Variants in SIMC1 observed in about 807,000 individuals in gnomAD.
SIMC1 encodes the protein SUMO-interacting motif-containing protein 1.
A neutral mutation model predicts 82.3 loss-of-function variants in SIMC1; 55 were observed. The observed-to-expected ratio is 0.67, with a 90% confidence interval of 0.54 to 0.84. SIMC1 has a LOEUF of 0.84. SIMC1 is among the 40% of genes least tolerant of loss of function. SIMC1 has a pLI of 0.00. For missense variants in SIMC1, 915 were observed against 1,107.2 expected (o/e 0.83, Z 2.46); for synonymous variants, 353 against 426.3 (o/e 0.83, Z 2.12).
intron 1 of SIMC1, among the ~76,000 whole-genome samples, chr5:176,279,524 T>C (rs1370790028): frequency 6.6e-6 from 1 of 151,314 alleles, no homozygotes; most frequent in Admixed American, 6.6e-5. Context: ...AGCTTTTGAA[T>C]GTGTTTGCTC....
chr5:176,294,458 T>C (rs1418564085), intron 2 of SIMC1, among the ~76,000 whole-genome samples: 1 of 152,124 alleles, frequency 6.6e-6, no homozygotes, highest in Non-Finnish European at 1.5e-5. Context: ...TTTATATTTT[T>C]AGTAGAGACG....
intron 6 of SIMC1, chr5:176,322,650 T>C (rs1202439958): frequency 2.0e-6 from 1 of 504,628 alleles, no homozygotes; most frequent in Non-Finnish European, 3.5e-6. Flanking sequence ...ACAAAGTGAA[T>C]ACGAAGTCAC....
intron 1 of SIMC1, among the ~76,000 whole-genome samples, chr5:176,273,611 G>C (rs547914245): frequency 6.6e-6 from 1 of 152,038 alleles, no homozygotes; most frequent in Non-Finnish European, 1.5e-5. Context: ...CCAGTAACTC[G>C]TCATCTAGCA....
chr5:176,290,396 G>A lies in SIMC1; in HGVS notation c.872G>A (p.Gly291Glu). ...DSLGLPQDVP[G>E]LPQSILHPQD... is the part of the protein sequence containing the mutation. ...CTGGGCCTACCTCAAGATGTGCCAG[G>A]GCTGCCTCAAAGCATATTACATCCA... is the stretch of plus-strand genomic sequence containing the variant. The change falls in exon 2 of 10, where the codon GGG becomes GAG. Residue 291 changes from glycine (G) to glutamate (E), a missense_variant. Physicochemically the swap from Gly to Glu is moderately conservative, Grantham distance 98. Around this residue, in one of 2 missense-constraint regions of SIMC1, gnomAD observed 902 missense variants for 1,040.3 expected, o/e 0.87. Transcript: ENST00000429602. 2 of 1,613,976 alleles carry A rather than the reference G, an allele frequency of 1.2e-6. No homozygotes were observed. The highest frequency in any genetic ancestry group is 1.1e-5 in the South Asian group (1 of 91,080).
chr5:176,327,454 A>G (rs916160735), intron 7 of SIMC1, among the ~76,000 whole-genome samples: 1 of 152,180 alleles, frequency 6.6e-6, no homozygotes, highest in African/African-American at 2.4e-5. Flanking sequence ...AAACCCTGCA[A>G]CCTTAATAAA....
At chr5:176,308,398 G>A (rs758511407) in intron 4 of SIMC1, 512 of 1,605,656 alleles carry the variant, frequency 3.2e-4, no homozygotes, top group Non-Finnish European at 4.1e-4. Context: ...GAACTGACAG[G>A]CCACCCCATG....
chr5:176,318,276 CT>C (rs1765004984), intron 5 of SIMC1, among the ~76,000 whole-genome samples: 1 of 152,124 alleles, frequency 6.6e-6, no homozygotes, highest in South Asian at 2.1e-4. Context: ...GCCTCTGGTC[CT>C]TTTGTTACTT....
intron 2 of SIMC1, among the ~76,000 whole-genome samples, chr5:176,292,783 C>A (rs1763641394): frequency 6.6e-6 from 1 of 152,122 alleles, no homozygotes; most frequent in Admixed American, 6.6e-5. Context: ...TCAAGTGATC[C>A]GCCCACCTCG....
At chr5:176,257,903 C>T (rs1761899883) in intron 1 of SIMC1, among the ~76,000 whole-genome samples, 1 of 152,104 alleles carries the variant, frequency 6.6e-6, no homozygotes, top group African/African-American at 2.4e-5. Flanking sequence ...CAGTAGTAAC[C>T]CCTCAACTTG....
chr5:176,294,530 T>C (rs1340631449), intron 2 of SIMC1, among the ~76,000 whole-genome samples: 1 of 151,894 alleles, frequency 6.6e-6, no homozygotes, highest in East Asian at 1.9e-4. Context: ...TCTCCTGCCT[T>C]GGCCTCCCAA....
rs1176780644 is a variant in SIMC1, at chr5:176,313,864, C to T, written c.1889+19C>T. On this transcript the variant is annotated intron_variant, in intron 5 of 9. Transcript: ENST00000429602. ...ATGTCAGGTAAGCAGCCACCTGAGC[C>T]CTCGGATGAGAAGAGGTAAGGGATT... The T allele has an allele frequency of 6.2e-7, 1 of 1,612,544 alleles. No individual in the cohort carries two copies. The highest frequency in any genetic ancestry group is 8.5e-7 in the Non-Finnish European group (1 of 1,179,758).
Position 176,271,291 on chromosome 5 carries a change from C to T in SIMC1, c.130-18363C>T, listed in dbSNP as rs1378597603. On this transcript the variant is annotated intron_variant, in intron 1 of 9. Coordinates refer to ENST00000429602, the MANE Select transcript of SIMC1 (RefSeq NM_001308195.2). ...CTGAGAATCATTTGAACCCTGGAGG[C>T]GGAAGTTGCAGTGAGCCAAGATCTC... Among the ~76,000 whole-genome samples, 6 of 152,066 alleles carry T rather than the reference C, an allele frequency of 3.9e-5. No homozygotes were observed. The East Asian group carries it at 5.8e-4, about 15-fold the overall frequency.
intron 4 of SIMC1, among the ~76,000 whole-genome samples, chr5:176,312,261 C>T (rs1224500282): frequency 2.0e-5 from 3 of 152,088 alleles, no homozygotes; most frequent in Non-Finnish European, 2.9e-5. Context: ...CAAGGCCAGG[C>T]GCAGCGGCTC....
chr5:176,246,875 C>T (rs1209269484), intron 1 of SIMC1, among the ~76,000 whole-genome samples: 1 of 151,948 alleles, frequency 6.6e-6, no homozygotes, highest in Non-Finnish European at 1.5e-5. Flanking sequence ...TTTTCTGTTC[C>T]TGTGTTAGTT....
chr5:176,316,060 A>T (rs551347998), intron 5 of SIMC1, among the ~76,000 whole-genome samples: 1 of 152,228 alleles, frequency 6.6e-6, no homozygotes, highest in African/African-American at 2.4e-5. Context: ...CTGTAATCCC[A>T]GCTACTTGGG....
chr5:176,337,604 GAAA>G (rs1433792892), intron 9 of SIMC1, among the ~76,000 whole-genome samples: 1 of 152,070 alleles, frequency 6.6e-6, no homozygotes, highest in East Asian at 1.9e-4. Flanking sequence ...AAGGGGGGCG[GAAA>G]AAAAGAGAAG....
intron 1 of SIMC1, among the ~76,000 whole-genome samples, chr5:176,268,373 CA>C (rs554849705): frequency 5.5e-4 from 53 of 95,558 alleles, no homozygotes; most frequent in Non-Finnish European, 5.5e-4. Context: ...CAGACTGGAC[CA>C]AAAAAAAAAG....
At chr5:176,260,621 ATGT>A (rs1449322875) in intron 1 of SIMC1, among the ~76,000 whole-genome samples, 2 of 151,642 alleles carry the variant, frequency 1.3e-5, no homozygotes, top group South Asian at 2.1e-4. Context: ...AGGAAAAAAA[ATGT>A]TTGTAGGACA....
At chr5:176,306,056 G>A (rs1299630608) in intron 4 of SIMC1, among the ~76,000 whole-genome samples, 1 of 75,996 alleles carries the variant, frequency 1.3e-5, no homozygotes, top group Non-Finnish European at 2.8e-5. Flanking sequence ...CCCCCCGCCC[G>A]GCCAGCCGCT....
Sources: gnomAD v4.1 joint callset for allele counts (sites outside exome capture counted in the v4.1 genomes callset) on GRCh38, gnomAD v4.1.1 for gene constraint, gnomAD v4.1.1 regional missense constraint, MANE v1.5 for transcripts, NCBI Gene and HGNC (gene_info 2026-07-23, HGNC 2026-07-21) for gene names.